Variants in EFCAB9 observed in about 807,000 individuals in gnomAD.
EFCAB9 encodes the protein EF-hand calcium-binding domain-containing protein 9.
Under a neutral mutation model 15.6 loss-of-function variants are expected in EFCAB9, and 16 were observed. The ratio of observed to expected loss-of-function variants is 1.03; its 90% CI spans 0.69 to 1.56. The LOEUF is 1.56. EFCAB9 is among the 40% of genes most tolerant of loss of function. The probability of loss-of-function intolerance (pLI) is 0.00; values close to 1 mark genes in which losing one functional copy is unlikely to be tolerated. For missense variants in EFCAB9, 208 were observed against 235.4 expected (o/e 0.88, Z 0.76); for synonymous variants, 76 against 85.4 (o/e 0.89, Z 0.61).
Position 172,198,356 on chromosome 5 carries a change from A to G in EFCAB9, c.137-1027A>G, listed in dbSNP as rs77355216. Among the ~76,000 whole-genome samples the G allele has an allele frequency of 5.8e-3, 877 of 152,212 alleles. 7 individuals carry two copies. The highest frequency in any genetic ancestry group is 0.02 in the African/African-American group (835 of 41,534). On this transcript the variant is annotated intron_variant, in intron 1 of 3. Transcript: ENST00000398186. ...AGACCCCATCTCTACAAAAAATTAA[A>G]AAATTACCTGGACATGGTGGCATGC...
intron 1 of EFCAB9, among the ~76,000 whole-genome samples, chr5:172,198,606 G>A (rs564977928): frequency 2.6e-5 from 4 of 152,282 alleles, no homozygotes; most frequent in South Asian, 2.1e-4. Context: ...GTTTATAGAC[G>A]GGGAATGACT....
In EFCAB9 at chr5:172,200,755, C is replaced by A. The variant is rs1381887544; in HGVS notation, c.462+13C>A. 6.5e-7 allele frequency: 1 copy of A among 1,530,954 alleles called. No homozygotes were observed. Among genetic ancestry groups the A allele is most frequent in the South Asian group, 1.2e-5 (1 of 83,236 alleles). 94.8% of individuals were successfully genotyped at this position (1,530,954 alleles called of 1,614,324 possible). A position where few individuals can be genotyped will look rare whatever the true frequency, so the allele number is the denominator to read the frequency against. ...TACAGGTGACAATGTAAGTACAGAT[C>A]CAAAATGTGGCATGTGTGTGGCAGT... On this transcript the variant is annotated intron_variant, in intron 3 of 3. Transcript: ENST00000398186.
chr5:172,200,662 G>A lies in EFCAB9; in HGVS notation c.382G>A (p.Glu128Lys), dbSNP rs902161328. The A allele has an allele frequency of 2.0e-5, 30 of 1,537,190 alleles. No homozygotes were observed. In the Admixed American group the frequency reaches 4.5e-4, roughly 23 times the overall value. The change falls in exon 3 of 4, where the codon GAA becomes AAA. Residue 128 changes from glutamate (E) to lysine (K), a missense_variant. Coordinates refer to ENST00000398186, the MANE Select transcript of EFCAB9 (RefSeq NM_001171183.2). ...TCTGAGAATTGGTGCAAAAAACTTC[G>A]AAATGTACAGATTTCTCTTCAATAT... ...GDLRIGAKNF[E>K]MYRFLFNIQK...
intron 1 of EFCAB9, among the ~76,000 whole-genome samples, chr5:172,197,257 G>A (rs143583712): frequency 0.028 from 4,316 of 152,074 alleles, 191 homozygotes; most frequent in African/African-American, 0.096. Context: ...ACAGGCATGC[G>A]CCACCATGCC....
intron 1 of EFCAB9, among the ~76,000 whole-genome samples, chr5:172,196,668 A>G (rs6874377): frequency 0.45 from 67,735 of 151,904 alleles, 17,845 homozygotes; most frequent in African/African-American, 0.74. Context: ...GACCCACCGC[A>G]CCTGCCCACT....
Position 172,203,201 on chromosome 5 carries a change from A to C in EFCAB9, c.463-13A>C, listed in dbSNP as rs60851237. 1.8e-4 allele frequency: 29 copies of C among 160,238 alleles called. No individual in the cohort carries two copies. Among genetic ancestry groups the C allele is most frequent in the Admixed American group, 1.2e-3 (5 of 4,114 alleles). The allele number at this position is 160,238 out of a possible 1,614,324, so 9.9% of individuals were successfully genotyped here. Reference sequence around the variant, plus strand: ...CTGAAATAATTTTTCTTTCCCCCCCACCCTAACCAAAGCGTCTTAATTATC... The same window carrying C: ...CTGAAATAATTTTTCTTTCCCCCCCCCCCTAACCAAAGCGTCTTAATTATC... On this transcript the variant is annotated splice_polypyrimidine_tract_variant and intron_variant, in intron 3 of 3. Transcript: ENST00000398186.
chr5:172,203,181 A>C, intron 3 of EFCAB9, 33 bp from the exon 4 acceptor site: 1 of 1,441,946 alleles, frequency 6.9e-7, no homozygotes, highest in African/African-American at 1.7e-5. Context: ...TTTTCCTGAA[A>C]TAATTTTTCT....
Position 172,202,816 on chromosome 5 carries a change from G to A in EFCAB9, c.463-398G>A, listed in dbSNP as rs6869031. Among the ~76,000 whole-genome samples the A allele has an allele frequency of 6.9e-3, 1,044 of 151,970 alleles. 13 individuals carry two copies. Among genetic ancestry groups the A allele is most frequent in the African/African-American group, 0.024 (990 of 41,482 alleles). ...GGAGTTTGAGACCAGCCTGACCAAC[G>A]TGATGAAACCCCATCTCTACTAAAA... is the stretch of plus-strand genomic sequence containing the variant. On this transcript the variant is annotated intron_variant, in intron 3 of 3. Transcript: ENST00000398186.
chr5:172,202,632 C>T (rs944888613), intron 3 of EFCAB9, among the ~76,000 whole-genome samples: 1 of 151,258 alleles, frequency 6.6e-6, no homozygotes, highest in African/African-American at 2.4e-5. Context: ...CCCTTGAACC[C>T]GGGAGGCGGA....
chr5:172,199,288 C>A, intron 1 of EFCAB9, 95 bp from the exon 2 acceptor site: 1 of 1,365,778 alleles, frequency 7.3e-7, no homozygotes, highest in Non-Finnish European at 9.9e-7. Context: ...GATCAATAAG[C>A]TTCCAACATC....
intron 1 of EFCAB9, among the ~76,000 whole-genome samples, chr5:172,197,047 A>G (rs1393224641): frequency 6.6e-6 from 1 of 152,024 alleles, no homozygotes; most frequent in African/African-American, 2.4e-5. Flanking sequence ...GGAAAAAAAC[A>G]CCACGGTGAG....
intron 3 of EFCAB9, among the ~76,000 whole-genome samples, chr5:172,202,776 C>A (rs931754954): frequency 6.6e-6 from 1 of 151,054 alleles, no homozygotes; most frequent in South Asian, 2.1e-4. Context: ...CCGAGGCAGG[C>A]GGGTCATGAG....
intron 1 of EFCAB9, among the ~76,000 whole-genome samples, chr5:172,198,895 T>G (rs1057172528): frequency 3.3e-5 from 5 of 152,298 alleles, no homozygotes; most frequent in Non-Finnish European, 7.4e-5. Context: ...ATTACAGGCA[T>G]GAGCTACTGT....
In EFCAB9 at chr5:172,203,224, A is replaced by G; in HGVS notation, c.473A>G (p.Tyr158Cys). Residue 158 changes from tyrosine (Y) to cysteine (C), a missense_variant, in exon 4 of 4, where the codon TAT becomes TGT. Transcript: ENST00000398186. ...FDITGDNRLNYQEFKLYTIIY... is the reference protein window; with the variant it reads ...FDITGDNRLNCQEFKLYTIIY... ...CCACCCTAACCAAAGCGTCTTAATT[A>G]TCAGGAATTTAAGCTGTATACAATC... 1 of 1,519,592 alleles carries G rather than the reference A, an allele frequency of 6.6e-7. No individual in the cohort carries two copies. The allele number at this position is 1,519,592 out of a possible 1,614,324, so 94.1% of individuals were successfully genotyped here. A position where few individuals can be genotyped will look rare whatever the true frequency, so the allele number is the denominator to read the frequency against.
chr5:172,196,801 CACT>C (rs951968705), intron 1 of EFCAB9, among the ~76,000 whole-genome samples: 3 of 152,130 alleles, frequency 2.0e-5, no homozygotes, highest in African/African-American at 4.8e-5. Flanking sequence ...AGCCACACAC[CACT>C]GTGTAAGTGT....
chr5:172,196,272 GC>G (rs1290201788), intron 1 of EFCAB9, among the ~76,000 whole-genome samples: 1 of 152,184 alleles, frequency 6.6e-6, no homozygotes, highest in African/African-American at 2.4e-5. Context: ...ACATCAAGAG[GC>G]GGTCAGAAGC....
intron 1 of EFCAB9, among the ~76,000 whole-genome samples, chr5:172,194,633 A>T (rs979471352): frequency 4.6e-5 from 7 of 152,146 alleles, no homozygotes; most frequent in Non-Finnish European, 1.0e-4. Flanking sequence ...TCCTGACATC[A>T]GGTGATCCAC....
At position 172,195,183 on chromosome 5, in the gene EFCAB9, AAAAT is replaced by A. The variant is rs1554125607; in HGVS notation, c.136+897_136+900del. 9.2e-3 allele frequency among the ~76,000 whole-genome samples: 1,359 copies of A among 147,014 alleles called. 28 individuals carry two copies. The highest frequency in any genetic ancestry group is 0.032 in the African/African-American group (1,286 of 39,616). On this transcript the variant is annotated intron_variant, in intron 1 of 3. Coordinates refer to ENST00000398186, the MANE Select transcript of EFCAB9 (RefSeq NM_001171183.2). ...AAATAAATAAATAAATAAATAAATA[AAAAT>A]AAATAAATAAATAAATAAATATAAA... is the stretch of plus-strand genomic sequence containing the variant.
chr5:172,203,207 AC>A lies in EFCAB9; in HGVS notation c.463-5del. The A allele has an allele frequency of 7.1e-7, 1 of 1,406,956 alleles. No homozygotes were observed. Among genetic ancestry groups the A allele is most frequent in the South Asian group, 1.3e-5 (1 of 75,316 alleles). The allele number at this position is 1,406,956 out of a possible 1,614,324, so 87.2% of individuals were successfully genotyped here. ...TAATTTTTCTTTCCCCCCCACCCTA[AC>A]CAAAGCGTCTTAATTATCAGGAATT... On this transcript the variant is annotated splice_polypyrimidine_tract_variant and splice_region_variant and intron_variant, in intron 3 of 3. Transcript: ENST00000398186.
Sources: gnomAD v4.1 joint callset for allele counts (sites outside exome capture counted in the v4.1 genomes callset) on GRCh38, gnomAD v4.1.1 for gene constraint, MANE v1.5 for transcripts, NCBI Gene and HGNC (gene_info 2026-07-23, HGNC 2026-07-21) for gene names.